The following OPCML variants were observed in gnomAD, a reference collection of about 807,000 sequenced individuals.
OPCML encodes the protein opioid-binding protein/cell adhesion molecule.
Under a neutral mutation model 37.8 loss-of-function variants are expected in OPCML, and 13 were observed. The observed-to-expected ratio is 0.34, with a 90% confidence interval of 0.22 to 0.55. OPCML has a LOEUF of 0.55. Ranked by LOEUF, OPCML falls within the 20% of genes least tolerant of loss-of-function variation. The probability of loss-of-function intolerance (pLI) is 0.91; values close to 1 mark genes in which losing one functional copy is unlikely to be tolerated. For synonymous variants in OPCML, 176 were observed against 168.8 expected (o/e 1.04, Z -0.33); for missense variants, 341 against 435.6 (o/e 0.78, Z 1.93).
chr11:132,641,966 C>T (rs892612101), intron 3 of OPCML, among the ~76,000 whole-genome samples: 20 of 152,052 alleles, frequency 1.3e-4, no homozygotes, highest in African/African-American at 3.6e-4. Context: ...CCACAGCTAC[C>T]GACGGTTTTT....
intron 2 of OPCML, among the ~76,000 whole-genome samples, chr11:132,712,310 AC>A (rs568990833): frequency 2.9e-5 from 4 of 136,376 alleles, no homozygotes; most frequent in Admixed American, 1.5e-4. Context: ...ACCCTCCCCC[AC>A]ATCCTCCTCC....
intron 1 of OPCML, among the ~76,000 whole-genome samples, chr11:133,044,427 G>T (rs1591945950): frequency 6.6e-6 from 1 of 152,230 alleles, no homozygotes; most frequent in African/African-American, 2.4e-5. Context: ...AAGGAGAGAG[G>T]CTAAATTGTG....
intron 3 of OPCML, among the ~76,000 whole-genome samples, chr11:132,571,062 G>A (rs2137566324): frequency 6.6e-6 from 1 of 152,044 alleles, no homozygotes; most frequent in Admixed American, 6.5e-5. Context: ...AGCCTGGCTA[G>A]AAGAGTAGGT....
intron 1 of OPCML, among the ~76,000 whole-genome samples, chr11:133,464,072 A>ACTTC (rs1946922233): frequency 8.5e-6 from 1 of 118,258 alleles, no homozygotes; most frequent in South Asian, 2.6e-4. Context: ...ATCCCAACAG[A>ACTTC]TAAGAGGGAC....
At chr11:133,303,963 A>G (rs73600469) in intron 1 of OPCML, among the ~76,000 whole-genome samples, 7,396 of 152,330 alleles carry the variant, frequency 0.049, 202 homozygotes, top group Middle Eastern at 0.071. Context: ...TTGTAGATTT[A>G]AACTTTAATA....
At chr11:132,528,609 A>G (rs1424153828) in intron 4 of OPCML, among the ~76,000 whole-genome samples, 1 of 152,224 alleles carries the variant, frequency 6.6e-6, no homozygotes, top group African/African-American at 2.4e-5. Flanking sequence ...ATTTATGGAC[A>G]TGTCAGACAT....
chr11:132,514,584 C>T (rs1356872231), intron 4 of OPCML, among the ~76,000 whole-genome samples: 1 of 152,194 alleles, frequency 6.6e-6, no homozygotes. Context: ...GCCTCTGAAG[C>T]TTCTTTACTC....
At chr11:133,077,485 A>C (rs567813211) in intron 1 of OPCML, among the ~76,000 whole-genome samples, 1 of 152,320 alleles carries the variant, frequency 6.6e-6, no homozygotes, top group South Asian at 2.1e-4. Flanking sequence ...GAAATTATAA[A>C]ATCAATAAAG....
chr11:132,528,087 A>G (rs917678776), intron 4 of OPCML, among the ~76,000 whole-genome samples: 1 of 152,112 alleles, frequency 6.6e-6, no homozygotes, highest in African/African-American at 2.4e-5. Context: ...TGAGGAGATA[A>G]ATTTCTGTTA....
At chr11:133,143,302 T>C (rs1449255925) in intron 1 of OPCML, among the ~76,000 whole-genome samples, 1 of 152,132 alleles carries the variant, frequency 6.6e-6, no homozygotes, top group Non-Finnish European at 1.5e-5. Context: ...TGGAACACTA[T>C]CATTAGCTTT....
intron 1 of OPCML, among the ~76,000 whole-genome samples, chr11:133,051,178 C>T (rs529005671): frequency 5.9e-5 from 9 of 152,224 alleles, no homozygotes; most frequent in East Asian, 3.9e-4. Flanking sequence ...TTTTCCCATT[C>T]GGACTAATAA....
chr11:133,318,678 C>G (rs1182154652), intron 1 of OPCML, among the ~76,000 whole-genome samples: 1 of 152,128 alleles, frequency 6.6e-6, no homozygotes, highest in Non-Finnish European at 1.5e-5. Flanking sequence ...GCTAGTTCAC[C>G]CTGTCGCATT....
chr11:133,118,122 G>A (rs960417360), intron 1 of OPCML: 1 of 715,142 alleles, frequency 1.4e-6, no homozygotes, highest in African/African-American at 1.9e-5. Flanking sequence ...TGTGACTCAG[G>A]TGAAACTTCT....
chr11:132,890,719 T>C, intron 2 of OPCML, among the ~76,000 whole-genome samples: 1 of 145,256 alleles, frequency 6.9e-6, no homozygotes, highest in South Asian at 2.2e-4. Flanking sequence ...TAGCCAGGCG[T>C]GGTGGTGGGC....
At chr11:132,506,328 C>G (rs1350659500) in intron 4 of OPCML, among the ~76,000 whole-genome samples, 1 of 152,090 alleles carries the variant, frequency 6.6e-6, no homozygotes, top group Non-Finnish European at 1.5e-5. Flanking sequence ...GAAGACATAT[C>G]CTAAGAATCA....
intron 1 of OPCML, among the ~76,000 whole-genome samples, chr11:133,508,264 TG>T (rs1948079639): frequency 6.6e-6 from 1 of 152,102 alleles, no homozygotes; most frequent in South Asian, 2.1e-4. Flanking sequence ...GGGCTGGGTT[TG>T]GGTACAAATC....
At chr11:133,353,787 C>A (rs1039448255) in intron 1 of OPCML, among the ~76,000 whole-genome samples, 1 of 152,092 alleles carries the variant, frequency 6.6e-6, no homozygotes, top group African/African-American at 2.4e-5. Context: ...AGCTTTTGGA[C>A]GATGTAGATA....
chr11:133,257,121 A>T (rs368968986), intron 1 of OPCML, among the ~76,000 whole-genome samples: 1 of 152,226 alleles, frequency 6.6e-6, no homozygotes, highest in Non-Finnish European at 1.5e-5. Context: ...ACCTCGGTCC[A>T]CTCCAGAACA....
At chr11:133,033,254 A>G (rs1449885087) in intron 1 of OPCML, among the ~76,000 whole-genome samples, 1 of 152,236 alleles carries the variant, frequency 6.6e-6, no homozygotes. Flanking sequence ...TTGATGAATT[A>G]CCAGCAAGCT....
Sources: allele counts gnomAD v4.1 joint callset (sites outside exome capture counted in the v4.1 genomes callset), GRCh38; gene constraint gnomAD v4.1.1; transcripts MANE v1.5; gene names NCBI Gene and HGNC (gene_info 2026-07-23, HGNC 2026-07-21).